PNLIPRP1: variants seen among roughly 807,000 people sequenced by gnomAD.
PNLIPRP1 encodes the protein pancreatic lipase related protein 1.
Under a neutral mutation model 54.6 loss-of-function variants are expected in PNLIPRP1, and 57 were observed. That is an observed-to-expected ratio of 1.04 (90% CI 0.84 to 1.30). The LOEUF (loss-of-function observed/expected upper bound fraction) is 1.30, where lower values mean the gene tolerates loss of function less well. PNLIPRP1 is among the 50% of genes most tolerant of loss of function. PNLIPRP1 has a pLI of 0.00. For synonymous variants in PNLIPRP1, 232 were observed against 208.8 expected (o/e 1.11, Z -0.96); for missense variants, 567 against 568.5 (o/e 1.00, Z 0.03).
intron 4 of PNLIPRP1, chr10:116,594,442 T>G: frequency 1.9e-6 from 1 of 527,728 alleles, no homozygotes; most frequent in South Asian, 1.6e-5. Context: ...CTTTTCATGA[T>G]GCAATTGTTT....
chr10:116,601,851 A>G lies in PNLIPRP1; in HGVS notation c.1063+650A>G, dbSNP rs145132336. On this transcript the variant is annotated intron_variant, in intron 10 of 12. Transcript: ENST00000358834. ...ACATATTCATATAAATGTATAACACATCTTACATAGTTTTTAAAGTCAGAT... is the reference window on the plus strand; with the variant it reads ...ACATATTCATATAAATGTATAACACGTCTTACATAGTTTTTAAAGTCAGAT... Among the ~76,000 whole-genome samples the G allele has an allele frequency of 1.4e-3, 215 of 152,342 alleles. 1 individual carries two copies. The highest frequency in any genetic ancestry group is 5.0e-3 in the African/African-American group (206 of 41,576).
rs1847734709 is a variant in PNLIPRP1 at position 116,596,294 on chromosome 10, C to A, written c.546C>A (p.Ser182Arg). Residue 182 changes from serine to arginine, a missense_variant, in exon 6 of 13, where the codon AGC becomes AGA. Ser to Arg is a moderately radical substitution (Grantham distance 110). Transcript: ENST00000358834. ...LGAHVAGEAG[S>R]KTPGLSRITG... Reference sequence around the variant, plus strand: ...CCCACGTGGCTGGAGAGGCAGGAAGCAAGACTCCAGGCCTGAGCAGGATTA... The same window carrying A: ...CCCACGTGGCTGGAGAGGCAGGAAGAAAGACTCCAGGCCTGAGCAGGATTA... 6.2e-7 allele frequency: 1 copy of A among 1,613,174 alleles called. No individual in the cohort carries two copies. Among genetic ancestry groups the A allele is most frequent in the Admixed American group, 1.7e-5 (1 of 60,008 alleles).
intron 9 of PNLIPRP1, 138 bp downstream of exon 9, chr10:116,600,303 G>A (rs150082329): frequency 0.014 from 8,211 of 606,734 alleles, 85 homozygotes; most frequent in Non-Finnish European, 0.015. Flanking sequence ...TGGAGTGGAA[G>A]AGAAAAAAAA....
chr10:116,596,381 A>C, intron 6 of PNLIPRP1, 59 bp downstream of exon 6: 10 of 1,023,134 alleles, frequency 9.8e-6, no homozygotes, highest in Non-Finnish European at 1.5e-5. Context: ...ATGAGGTCTC[A>C]AGAATGCAGC....
intron 12 of PNLIPRP1, among the ~76,000 whole-genome samples, chr10:116,606,113 T>A (rs1329155269): frequency 6.6e-6 from 1 of 152,158 alleles, no homozygotes; most frequent in South Asian, 2.1e-4. Flanking sequence ...GCAGAGCGAC[T>A]GTCTCTCAAA....
At chr10:116,606,356 C>A (rs546328570) in intron 12 of PNLIPRP1, among the ~76,000 whole-genome samples, 2 of 152,200 alleles carry the variant, frequency 1.3e-5, no homozygotes, top group South Asian at 4.2e-4. Context: ...CTTATCCCCA[C>A]GAGGCAAGGA....
rs1554863354 is a variant in PNLIPRP1, at chr10:116,592,460, T to A, written c.249T>A (p.Phe83Leu). 6.2e-7 allele frequency: 1 copy of A among 1,613,562 alleles called. No homozygotes were observed. Among genetic ancestry groups the A allele is most frequent in the Admixed American group, 1.7e-5 (1 of 59,968 alleles). The change falls in exon 4 of 13, where the codon TTT becomes TTA. Residue 83 changes from phenylalanine (F) to leucine (L), a missense_variant. Transcript: ENST00000358834. ...CATCAACAATTGAGGCATCAAATTT[T>A]CAAATGGACAGAAAGACCCGGTTCA... ...SDPSTIEASNFQMDRKTRFII... is the reference protein window; with the variant it reads ...SDPSTIEASNLQMDRKTRFII...
intron 8 of PNLIPRP1, among the ~76,000 whole-genome samples, chr10:116,599,280 A>G (rs1847789954): frequency 6.6e-6 from 1 of 151,400 alleles, no homozygotes; most frequent in African/African-American, 2.4e-5. Context: ...ATAAAATAAA[A>G]TAAAATAAAA....
rs1847829102 is a variant in PNLIPRP1 at position 116,601,071 on chromosome 10, G to C, written c.934-1G>C. ...CAGTCCCATCTATCTCTTCTCATTA[G>C]GACAAGTGCTTCCCGTGTCCAGATC... On this transcript the variant is annotated splice_acceptor_variant, in intron 9 of 12. Transcript: ENST00000358834. LOFTEE classifies it high-confidence loss of function. 1.2e-6 allele frequency: 2 copies of C among 1,610,788 alleles called. No homozygotes were observed. Among genetic ancestry groups the C allele is most frequent in the Non-Finnish European group, 8.5e-7 (1 of 1,179,028 alleles).
intron 6 of PNLIPRP1, among the ~76,000 whole-genome samples, chr10:116,597,325 A>T (rs1267203875): frequency 1.3e-5 from 2 of 152,222 alleles, no homozygotes; most frequent in African/African-American, 4.8e-5. Flanking sequence ...AATAGATGCC[A>T]TTATCACCCC....
At chr10:116,602,309 G>A (rs759078637) in intron 10 of PNLIPRP1, among the ~76,000 whole-genome samples, 5 of 150,776 alleles carry the variant, frequency 3.3e-5, no homozygotes, top group East Asian at 2.0e-4. Context: ...GTGAGCCACC[G>A]CACCCGGCCC....
At chr10:116,605,577 C>A in intron 12 of PNLIPRP1, 24 bp downstream of exon 12, 2 of 1,451,380 alleles carry the variant, frequency 1.4e-6, no homozygotes, top group Admixed American at 2.0e-5. Context: ...CTGGCTGGTG[C>A]CTAAAAATGT....
At chr10:116,595,376 A>T (rs1847717253) in intron 5 of PNLIPRP1, 1 of 156,628 alleles carries the variant, frequency 6.4e-6, no homozygotes, top group African/African-American at 2.4e-5. Context: ...ATTTCTTCCT[A>T]TACTGTTTCA....
intron 10 of PNLIPRP1, among the ~76,000 whole-genome samples, chr10:116,602,892 TGTA>T (rs1279177832): frequency 1.3e-5 from 2 of 152,112 alleles, no homozygotes; most frequent in African/African-American, 4.8e-5. Context: ...GTTAAATGTG[TGTA>T]GGTTTGTGTG....
chr10:116,597,705 C>T (rs1554864127), intron 6 of PNLIPRP1, 123 bp from the exon 7 acceptor site: 1 of 1,094,058 alleles, frequency 9.1e-7, no homozygotes, highest in Non-Finnish European at 1.3e-6. Context: ...CATGGCACTG[C>T]ATCACTCTGG....
At chr10:116,607,980 C>G (rs537311486) in intron 12 of PNLIPRP1, among the ~76,000 whole-genome samples, 68 of 152,202 alleles carry the variant, frequency 4.5e-4, no homozygotes, top group African/African-American at 1.6e-3. Context: ...CTCAGCCTCC[C>G]AAGTAGCTGG....
At chr10:116,597,723 T>C in intron 6 of PNLIPRP1, 105 bp from the exon 7 acceptor site, 4 of 1,274,496 alleles carry the variant, frequency 3.1e-6, no homozygotes, top group Non-Finnish European at 4.5e-6. Flanking sequence ...TGGTGCATGG[T>C]ACCCATTGAG....
intron 5 of PNLIPRP1, 120 bp downstream of exon 5, chr10:116,594,984 C>G: frequency 2.5e-6 from 3 of 1,224,392 alleles, no homozygotes; most frequent in Non-Finnish European, 2.2e-6. Flanking sequence ...CCAGACCTTA[C>G]TTCTAAAACT....
At chr10:116,607,376 T>C (rs1363485065) in intron 12 of PNLIPRP1, among the ~76,000 whole-genome samples, 3 of 152,102 alleles carry the variant, frequency 2.0e-5, no homozygotes, top group African/African-American at 4.8e-5. Flanking sequence ...ATCAGACTTA[T>C]GGTTCACAGG....
Sources: gnomAD v4.1 joint callset for allele counts (sites outside exome capture counted in the v4.1 genomes callset) on GRCh38, gnomAD v4.1.1 for gene constraint, MANE v1.5 for transcripts, NCBI Gene and HGNC (gene_info 2026-07-23, HGNC 2026-07-21) for gene names.